The following LRRIQ1 variants were observed in gnomAD, a reference collection of about 807,000 sequenced individuals.
LRRIQ1 encodes the protein leucine rich repeats and IQ motif containing 1.
Under a neutral mutation model 211.9 loss-of-function variants are expected in LRRIQ1, and 210 were observed. The observed-to-expected ratio is 0.99, with a 90% CI of 0.89 to 1.11. The LOEUF is 1.11. LRRIQ1 is among the 50% of genes most tolerant of loss of function. LRRIQ1 has a pLI of 0.00. For missense variants in LRRIQ1, 2,136 were observed against 1,939.5 expected (o/e 1.10, Z -1.90); for synonymous variants, 699 against 650.1 (o/e 1.08, Z -1.14).
intron 25 of LRRIQ1, 38 bp from the exon 26 acceptor site, chr12:85,232,658 T>A (rs2137201913): frequency 6.5e-7 from 1 of 1,547,652 alleles, no homozygotes; most frequent in Non-Finnish European, 8.9e-7. Flanking sequence ...CCTCTACATT[T>A]ACATTATAAA....
At chr12:85,068,149 A>G (rs1249610995) in intron 10 of LRRIQ1, among the ~76,000 whole-genome samples, 1 of 151,910 alleles carries the variant, frequency 6.6e-6, no homozygotes, top group African/African-American at 2.4e-5. Flanking sequence ...AGTATCGCCA[A>G]AAAGTTGGGA....
At chr12:85,174,717 A>AAAAAAAAAAAAAAAAAAC (rs1355384485) in intron 24 of LRRIQ1, among the ~76,000 whole-genome samples, 1 of 149,662 alleles carries the variant, frequency 6.7e-6, no homozygotes, top group African/African-American at 2.5e-5. Flanking sequence ...AAAAAAAAAA[A>AAAAAAAAAAAAAAAAAAC]AAAAAATCTG....
intron 24 of LRRIQ1, among the ~76,000 whole-genome samples, chr12:85,210,283 A>T (rs937516835): frequency 1.7e-4 from 26 of 151,824 alleles, no homozygotes; most frequent in African/African-American, 5.3e-4. Flanking sequence ...TAGCTTTTTC[A>T]CACATTTGGA....
chr12:85,098,143 A>G (rs1205008475), intron 11 of LRRIQ1, among the ~76,000 whole-genome samples: 1 of 152,150 alleles, frequency 6.6e-6, no homozygotes, highest in African/African-American at 2.4e-5. Flanking sequence ...ATAGATAATT[A>G]TGTCATTCAA....
At chr12:85,036,585 C>A (rs955268180) in intron 1 of LRRIQ1, among the ~76,000 whole-genome samples, 178 bp downstream of exon 1, 4 of 151,998 alleles carry the variant, frequency 2.6e-5, no homozygotes, top group Non-Finnish European at 5.9e-5. Flanking sequence ...CTGGAGATTT[C>A]GAGAACTCAT....
At chr12:85,222,223 C>T (rs959043578) in intron 24 of LRRIQ1, among the ~76,000 whole-genome samples, 1 of 151,998 alleles carries the variant, frequency 6.6e-6, no homozygotes, top group Non-Finnish European at 1.5e-5. Context: ...ATACATGTCT[C>T]AGAAGGAAAT....
intron 15 of LRRIQ1, among the ~76,000 whole-genome samples, chr12:85,118,193 T>C (rs1488716288): frequency 6.6e-6 from 1 of 152,154 alleles, no homozygotes; most frequent in Non-Finnish European, 1.5e-5. Flanking sequence ...ATTTATTCCT[T>C]TGTGGCAAAT....
chr12:85,197,178 A>G (rs1177722910), intron 24 of LRRIQ1, among the ~76,000 whole-genome samples: 1 of 152,200 alleles, frequency 6.6e-6, no homozygotes, highest in Admixed American at 6.5e-5. Context: ...TCAGGAAACA[A>G]CAGGTGCTGG....
At chr12:85,244,754 T>C in intron 26 of LRRIQ1, 35 bp from the exon 27 acceptor site, 1 of 1,585,686 alleles carries the variant, frequency 6.3e-7, no homozygotes, top group Non-Finnish European at 8.6e-7. Context: ...ATATTTTGTT[T>C]CATGATTGTA....
chr12:85,229,799 A>ATAGATTTAAT (rs1304143738), intron 25 of LRRIQ1, 150 bp downstream of exon 25: 2 of 662,626 alleles, frequency 3.0e-6, no homozygotes, highest in Non-Finnish European at 5.0e-6. Flanking sequence ...TTCATATAGA[A>ATAGATTTAAT]TAGATTTAAT....
chr12:85,180,157 A>G (rs1470930335), intron 24 of LRRIQ1, among the ~76,000 whole-genome samples: 1 of 151,918 alleles, frequency 6.6e-6, no homozygotes, highest in East Asian at 1.9e-4. Flanking sequence ...ACCACCTCTG[A>G]GATCTATTTA....
intron 8 of LRRIQ1, among the ~76,000 whole-genome samples, chr12:85,064,564 T>A (rs1192481720): frequency 2.6e-5 from 4 of 151,740 alleles, no homozygotes; most frequent in Non-Finnish European, 5.9e-5. Context: ...GTTGCCTGTG[T>A]TTGTAGGGTA....
At chr12:85,137,014 A>G (rs1017001120) in intron 18 of LRRIQ1, among the ~76,000 whole-genome samples, 8 of 151,694 alleles carry the variant, frequency 5.3e-5, no homozygotes, top group Non-Finnish European at 8.8e-5. Flanking sequence ...TTCTATTGCT[A>G]TACATTCTAC....
chr12:85,198,216 G>T (rs1893098615), intron 24 of LRRIQ1, among the ~76,000 whole-genome samples: 1 of 137,242 alleles, frequency 7.3e-6, no homozygotes, highest in Non-Finnish European at 1.5e-5. Context: ...TACTGTTGAT[G>T]GGCATTTAGG....
At chr12:85,046,217 A>T (rs1461324934) in intron 5 of LRRIQ1, 80 bp downstream of exon 5, 2 of 768,428 alleles carry the variant, frequency 2.6e-6, no homozygotes, top group Admixed American at 2.3e-5. Context: ...TGGACAGTTG[A>T]TGTTTGTTCT....
chr12:85,195,249 G>A lies in LRRIQ1; in HGVS notation c.4823-34268G>A, dbSNP rs572543663. 5.1e-3 allele frequency among the ~76,000 whole-genome samples: 774 copies of A among 151,946 alleles called. 4 individuals are homozygous for A. The highest frequency in any genetic ancestry group is 0.018 in the African/African-American group (752 of 41,422). ...AGCCGAATTCTACCAGAGGTACAAG[G>A]AGGAACTGGTACCATTCCTTCTGAA... On this transcript the variant is annotated intron_variant, in intron 24 of 26. Transcript: ENST00000393217.
rs1293954255 is a variant in LRRIQ1, at chr12:85,098,542, G to C, written c.3075G>C (p.Leu1025=). 1 of 1,603,968 alleles carries C rather than the reference G, an allele frequency of 6.2e-7. No individual in the cohort carries two copies. Among genetic ancestry groups the C allele is most frequent in the Admixed American group, 1.7e-5 (1 of 59,040 alleles). Residue 1025 remains leucine, a synonymous_variant, in exon 12 of 27, where the codon CTG becomes CTC. Coordinates refer to ENST00000393217, the MANE Select transcript of LRRIQ1 (RefSeq NM_001079910.2). ...TATTGAAGTTACAGGGAAATTATCT[G>C]AGTGAGGTAATTGCTTTGAATTAAT... The part of the protein sequence containing the change: ...LQILKLQGNY[L]SELPSLENLV...
chr12:85,192,468 TA>T, intron 24 of LRRIQ1, among the ~76,000 whole-genome samples: 1 of 121,886 alleles, frequency 8.2e-6, no homozygotes. Flanking sequence ...AATATAATTA[TA>T]TATAAATATA....
chr12:85,167,687 A>G (rs910610839), intron 24 of LRRIQ1, among the ~76,000 whole-genome samples: 1 of 152,150 alleles, frequency 6.6e-6, no homozygotes, highest in Non-Finnish European at 1.5e-5. Context: ...TACTGACTCA[A>G]ATGTTAATCT....
Sources: allele counts gnomAD v4.1 joint callset (sites outside exome capture counted in the v4.1 genomes callset), GRCh38; gene constraint gnomAD v4.1.1; transcripts MANE v1.5; gene names NCBI Gene and HGNC (gene_info 2026-07-23, HGNC 2026-07-21).